The following THADA variants were observed in gnomAD, a reference collection of about 807,000 sequenced individuals.
THADA encodes tRNA (32-2'-O)-methyltransferase regulator THADA.
Under a neutral mutation model 219.8 loss-of-function variants are expected in THADA, and 213 were observed. The observed-to-expected ratio is 0.97, with a 90% CI of 0.87 to 1.09. The LOEUF is 1.09. Ranked by LOEUF, THADA falls within the 50% of genes least tolerant of loss-of-function variation. The pLI is 0.00. For synonymous variants in THADA, 1,018 were observed against 828.9 expected (o/e 1.23, Z -3.92); for missense variants, 2,956 against 2,311.3 (o/e 1.28, Z -5.72).
At chr2:43,342,545 G>T (rs1049647533) in intron 30 of THADA, among the ~76,000 whole-genome samples, 1 of 152,138 alleles carries the variant, frequency 6.6e-6, no homozygotes, top group African/African-American at 2.4e-5. Context: ...CTGTGTCTCT[G>T]CCTATGCCGT....
chr2:43,536,975 T>A (rs999591495), intron 21 of THADA, among the ~76,000 whole-genome samples: 1 of 152,178 alleles, frequency 6.6e-6, no homozygotes, highest in Non-Finnish European at 1.5e-5. Context: ...TGAGCCTTAA[T>A]CCCTAAGCCT....
intron 26 of THADA, among the ~76,000 whole-genome samples, chr2:43,469,225 G>A (rs1480560901): frequency 2.6e-5 from 4 of 152,118 alleles, no homozygotes; most frequent in Admixed American, 1.3e-4. Flanking sequence ...GGAAAAGCCC[G>A]ACAAGTTCAA....
chr2:43,586,910 T>C lies in THADA; in HGVS notation c.395A>G (p.Tyr132Cys). 1 of 1,613,768 alleles carries C rather than the reference T, an allele frequency of 6.2e-7. No homozygotes were observed. Among genetic ancestry groups the C allele is most frequent in the Middle Eastern group, 1.7e-4 (1 of 6,060 alleles). ...LQEELNTTDL[Y>C]SYRKVTDNIS... ...ATTGTCAGTAACTTTCCTGTAAGAG[T>C]ATAAGTCAGTAGTATTCAATTCTTC... is the stretch of plus-strand genomic sequence containing the variant. Residue 132 changes from tyrosine to cysteine, a missense_variant, in exon 5 of 38, where the codon TAC becomes TGC. Physicochemically the swap from Tyr to Cys is radical, Grantham distance 194. Transcript: ENST00000405975.
At chr2:43,301,333 A>T (rs1676239705) in intron 31 of THADA, among the ~76,000 whole-genome samples, 1 of 152,262 alleles carries the variant, frequency 6.6e-6, no homozygotes, top group Admixed American at 6.5e-5. Flanking sequence ...CAAGAATTCA[A>T]AAGAACGAAT....
intron 28 of THADA, among the ~76,000 whole-genome samples, chr2:43,399,590 C>T (rs1157461934): frequency 2.0e-5 from 3 of 152,036 alleles, no homozygotes; most frequent in Non-Finnish European, 4.4e-5. Context: ...CTTTTTCCCC[C>T]AAGACAGTTA....
intron 31 of THADA, among the ~76,000 whole-genome samples, chr2:43,314,051 T>C (rs1677806676): frequency 6.6e-6 from 1 of 152,220 alleles, no homozygotes. Flanking sequence ...TTGGCCACTA[T>C]TATTATAGCC....
At chr2:43,283,762 T>A (rs1049047243) in intron 35 of THADA, among the ~76,000 whole-genome samples, 4 of 152,200 alleles carry the variant, frequency 2.6e-5, no homozygotes, top group African/African-American at 9.6e-5. Context: ...AAAGAGATTA[T>A]CTGAAACTGG....
intron 29 of THADA, among the ~76,000 whole-genome samples, chr2:43,362,401 G>A (rs900797138): frequency 2.6e-5 from 4 of 152,108 alleles, no homozygotes; most frequent in African/African-American, 9.7e-5. Context: ...GTGTTGTTAG[G>A]CGATTTCATC....
chr2:43,231,186 A>G lies in THADA; in HGVS notation c.5624T>C (p.Val1875Ala). The G allele has an allele frequency of 3.1e-6, 5 of 1,613,838 alleles. No individual in the cohort carries two copies. Among genetic ancestry groups the G allele is most frequent in the Non-Finnish European group, 4.2e-6 (5 of 1,179,814 alleles). ...PEMLCHLQRM[V>A]SEQCHLLSQF... ...AGACAGGAGGTGGCACTGCTCTGAC[A>G]CCATCCTTTGAAGGTGACAGAGCAT... Residue 1875 changes from valine (V) to alanine (A), a missense_variant, in exon 38 of 38, where the codon GTG becomes GCG. Transcript: ENST00000405975.
Position 43,485,284 on chromosome 2 carries a change from T to C in THADA, c.3786A>G (p.Thr1262=). 1 of 1,613,244 alleles carries C rather than the reference T, an allele frequency of 6.2e-7. No homozygotes were observed. Among genetic ancestry groups the C allele is most frequent in the Non-Finnish European group, 8.5e-7 (1 of 1,179,480 alleles). ...TTGCCCTTTTAACTCCAAAAATTCT[T>C]GTGATCAAGGCACTAAAGAGAAGTG... ...SSTLLFSALI[T]RIFGVKRAKD... is the part of the protein sequence containing the mutation. The change falls in exon 26 of 38, where the codon ACA becomes ACG. Residue 1262 remains threonine, a synonymous_variant. Coordinates refer to ENST00000405975, the MANE Select transcript of THADA (RefSeq NM_022065.5).
chr2:43,292,196 G>T lies in THADA; in HGVS notation c.4845C>A (p.Asp1615Glu). 1 of 1,609,644 alleles carries T rather than the reference G, an allele frequency of 6.2e-7. No individual in the cohort carries two copies. Among genetic ancestry groups the T allele is most frequent in the Non-Finnish European group, 8.5e-7 (1 of 1,178,330 alleles). The change falls in exon 33 of 38, where the codon GAC becomes GAA. Residue 1615 changes from aspartate (D) to glutamate (E), a missense_variant. Physicochemically the swap from Asp to Glu is conservative, Grantham distance 45. Transcript: ENST00000405975. ...CKILKILHCMDPGEWLPQTEH... is the reference protein window; with the variant it reads ...CKILKILHCMEPGEWLPQTEH... ...CCGTCTGGGGAAGCCACTCACCAGG[G>T]TCCATGCAGTGGAGAATTTTCAGTA...
chr2:43,409,831 G>A (rs969713173), intron 28 of THADA, among the ~76,000 whole-genome samples: 11 of 151,864 alleles, frequency 7.2e-5, no homozygotes, highest in African/African-American at 2.7e-4. Context: ...ACCAGCCTGG[G>A]CAAAATGAGA....
chr2:43,576,920 G>A (rs1326531185), intron 10 of THADA, 102 bp downstream of exon 10: 15 of 1,001,228 alleles, frequency 1.5e-5, no homozygotes, highest in Non-Finnish European at 2.0e-5. Context: ...CTACTGGGAG[G>A]GTAGCTGGGA....
intron 26 of THADA, among the ~76,000 whole-genome samples, chr2:43,434,095 TA>T (rs938593619): frequency 6.6e-6 from 1 of 151,724 alleles, no homozygotes; most frequent in East Asian, 1.9e-4. Flanking sequence ...CCCAGATAGC[TA>T]AAAAAAACCA....
chr2:43,486,306 T>G (rs1289876116), intron 25 of THADA: 1 of 152,168 alleles, frequency 6.6e-6, no homozygotes, highest in Non-Finnish European at 1.5e-5. Context: ...GATAATAATC[T>G]TTTCCCTATC....
intron 36 of THADA, among the ~76,000 whole-genome samples, chr2:43,235,547 T>C (rs1394849794): frequency 6.6e-6 from 1 of 152,060 alleles, no homozygotes; most frequent in Non-Finnish European, 1.5e-5. Context: ...CCCCCTCGGC[T>C]TCCCAAAGTG....
At chr2:43,446,517 G>A (rs1288513453) in intron 26 of THADA, among the ~76,000 whole-genome samples, 1 of 152,190 alleles carries the variant, frequency 6.6e-6, no homozygotes, top group Non-Finnish European at 1.5e-5. Flanking sequence ...AAATGTGAGT[G>A]TGAAGCCATG....
At chr2:43,339,570 G>A (rs768661109) in intron 30 of THADA, among the ~76,000 whole-genome samples, 46 of 152,070 alleles carry the variant, frequency 3.0e-4, no homozygotes, top group Non-Finnish European at 4.9e-4. Context: ...ATGAGCCACC[G>A]CACCCAGCCC....
At chr2:43,528,504 C>G (rs1693464580) in intron 21 of THADA, among the ~76,000 whole-genome samples, 1 of 152,066 alleles carries the variant, frequency 6.6e-6, no homozygotes, top group African/African-American at 2.4e-5. Flanking sequence ...CGATCATTAT[C>G]TCTACTTCAC....
Sources: gnomAD v4.1 joint callset for allele counts (sites outside exome capture counted in the v4.1 genomes callset) on GRCh38, gnomAD v4.1.1 for gene constraint, MANE v1.5 for transcripts, NCBI Gene and HGNC (gene_info 2026-07-23, HGNC 2026-07-21) for gene names.